Variants in CPE observed in about 807,000 individuals in gnomAD.
CPE encodes the protein carboxypeptidase E.
A neutral mutation model predicts 53.5 loss-of-function variants in CPE; 17 were observed. The observed-to-expected ratio is 0.32, with a 90% CI of 0.22 to 0.48. The LOEUF (loss-of-function observed/expected upper bound fraction) is 0.48. Ranked by LOEUF, CPE falls within the 20% of genes least tolerant of loss-of-function variation. The probability of loss-of-function intolerance (pLI) is 0.99; values close to 1 mark genes in which losing one functional copy is unlikely to be tolerated. For synonymous variants in CPE, 226 were observed against 228.8 expected, an observed-to-expected ratio of 0.99 and a Z score of 0.11; for missense variants, 524 against 614.7, an observed-to-expected ratio of 0.85 and a Z score of 1.56.
At chr4:165,471,460 G>C (rs913836722) in intron 3 of CPE, among the ~76,000 whole-genome samples, 6 of 152,126 alleles carry the variant, frequency 3.9e-5, no homozygotes, top group African/African-American at 7.2e-5. Context: ...AACAAATCAT[G>C]ATAGGACTGA....
At chr4:165,470,001 C>G (rs1347097736) in intron 3 of CPE, among the ~76,000 whole-genome samples, 1 of 152,146 alleles carries the variant, frequency 6.6e-6, no homozygotes, top group Admixed American at 6.5e-5. Flanking sequence ...ATGGGCTGAG[C>G]CTACAGGTGG....
In CPE at chr4:165,379,121, C is replaced by T; in HGVS notation, c.-101C>T. On this transcript the variant is annotated 5_prime_UTR_variant, in exon 1 of 9. Coordinates refer to ENST00000402744, the MANE Select transcript of CPE (RefSeq NM_001873.4). The surrounding 1 kb of genome is among the most constrained non-coding windows in gnomAD (Gnocchi z 6.0). ...GAGGCGAGTAGAGGCTGGTGCGGAA[C>T]TTGCCGCCCCCAGCAGCGCCGGCGG... 9.4e-7 allele frequency: 1 copy of T among 1,069,276 alleles called. No homozygotes were observed. The highest frequency in any genetic ancestry group is 1.2e-6 in the Non-Finnish European group (1 of 850,958). 66.2% of individuals were successfully genotyped at this position (1,069,276 alleles called of 1,614,324 possible). A position where few individuals can be genotyped will look rare whatever the true frequency, so the allele number is the denominator to read the frequency against.
At chr4:165,459,567 A>G (rs1331578463) in intron 1 of CPE, among the ~76,000 whole-genome samples, 1 of 150,744 alleles carries the variant, frequency 6.6e-6, no homozygotes, top group Non-Finnish European at 1.5e-5. Flanking sequence ...AAATATGATG[A>G]TTCCTCAATT....
chr4:165,427,975 C>T (rs1301674503), intron 1 of CPE, among the ~76,000 whole-genome samples: 1 of 151,990 alleles, frequency 6.6e-6, no homozygotes, highest in African/African-American at 2.4e-5. Context: ...AGTTCTATTT[C>T]AGATTATGCA....
intron 1 of CPE, among the ~76,000 whole-genome samples, chr4:165,387,791 A>G (rs1282991837): frequency 6.6e-6 from 1 of 151,984 alleles, no homozygotes; most frequent in Non-Finnish European, 1.5e-5. Flanking sequence ...CTGGGCGCAG[A>G]GTGAGACTCT....
intron 6 of CPE, 75 bp downstream of exon 6, chr4:165,487,652 G>A (rs1007362829): frequency 2.0e-6 from 3 of 1,502,748 alleles, no homozygotes; most frequent in Admixed American, 1.9e-5. Flanking sequence ...CTTGTAAGAG[G>A]AGTCCAGGAG....
At chr4:165,439,988 T>G (rs983425073) in intron 1 of CPE, among the ~76,000 whole-genome samples, 1 of 152,220 alleles carries the variant, frequency 6.6e-6, no homozygotes, top group African/African-American at 2.4e-5. Context: ...TTGTTTAGCT[T>G]TTAATACCTT....
At chr4:165,396,831 A>G (rs1721297849) in intron 1 of CPE, among the ~76,000 whole-genome samples, 1 of 150,980 alleles carries the variant, frequency 6.6e-6, no homozygotes, top group African/African-American at 2.4e-5. Context: ...GGAGTTTGAG[A>G]CCACTCAGAC....
chr4:165,480,032 T>C (rs1448981149), intron 3 of CPE, among the ~76,000 whole-genome samples: 2 of 151,208 alleles, frequency 1.3e-5, no homozygotes, highest in Non-Finnish European at 1.5e-5. Flanking sequence ...ATAGAAAAAT[T>C]AGTTAAACCA....
At chr4:165,484,371 G>A (rs768126740) in intron 4 of CPE, 51 bp from the exon 5 acceptor site, 37 of 1,532,152 alleles carry the variant, frequency 2.4e-5, no homozygotes, top group Non-Finnish European at 3.3e-5. Flanking sequence ...AAAACATGCT[G>A]TGCTGCTTGG....
At position 165,436,242 on chromosome 4, in the gene CPE, T is replaced by C. The variant is rs567805831; in HGVS notation, c.308-28148T>C. Among the ~76,000 whole-genome samples, 16 of 152,130 alleles carry C rather than the reference T, an allele frequency of 1.1e-4. No individual in the cohort carries two copies. In the South Asian group the frequency reaches 2.7e-3, roughly 26 times the overall value. ...TGTGCACAGAATCCAAGTTCTCTTT[T>C]CTATATCATTAAAAAATCCTCTTTA... On this transcript the variant is annotated intron_variant, in intron 1 of 8. Coordinates refer to ENST00000402744, the MANE Select transcript of CPE (RefSeq NM_001873.4).
chr4:165,483,832 G>C (rs1732459821), intron 4 of CPE, among the ~76,000 whole-genome samples: 1 of 152,118 alleles, frequency 6.6e-6, no homozygotes, highest in Non-Finnish European at 1.5e-5. Flanking sequence ...GATAATTTTA[G>C]ATATTGGAAA....
chr4:165,470,794 CT>C (rs1732192113), intron 3 of CPE, among the ~76,000 whole-genome samples: 1 of 152,138 alleles, frequency 6.6e-6, no homozygotes, highest in African/African-American at 2.4e-5. Flanking sequence ...TCTGTAACTG[CT>C]TCCTACTGAT....
At chr4:165,382,272 T>G (rs1730515826) in intron 1 of CPE, among the ~76,000 whole-genome samples, 1 of 146,690 alleles carries the variant, frequency 6.8e-6, no homozygotes, top group African/African-American at 2.5e-5. Flanking sequence ...ACAGGAAATG[T>G]ACAGTTTGTT....
intron 1 of CPE, among the ~76,000 whole-genome samples, chr4:165,382,004 G>A (rs868820519): frequency 6.6e-6 from 1 of 152,222 alleles, no homozygotes; most frequent in Non-Finnish European, 1.5e-5. Context: ...GAAGATAGTC[G>A]CTTGCCCTGA....
chr4:165,438,437 C>T (rs2126683547), intron 1 of CPE, among the ~76,000 whole-genome samples: 1 of 152,204 alleles, frequency 6.6e-6, no homozygotes, highest in Admixed American at 6.5e-5. Context: ...AACAATTGGT[C>T]ATCTATCCTT....
intron 1 of CPE, among the ~76,000 whole-genome samples, chr4:165,420,583 T>C (rs1731192439): frequency 6.6e-6 from 1 of 152,044 alleles, no homozygotes; most frequent in Admixed American, 6.5e-5. Flanking sequence ...TTTTTCTGAG[T>C]GTACTATATA....
chr4:165,381,831 C>A (rs1730508743), intron 1 of CPE, among the ~76,000 whole-genome samples: 1 of 152,186 alleles, frequency 6.6e-6, no homozygotes, highest in South Asian at 2.1e-4. Context: ...TCTTAAATGG[C>A]CTTTCAGTTT....
intron 1 of CPE, among the ~76,000 whole-genome samples, chr4:165,449,239 T>C (rs1731769252): frequency 6.6e-6 from 1 of 152,230 alleles, no homozygotes; most frequent in South Asian, 2.1e-4. Context: ...GTCATAATGC[T>C]AATGCCTGCA....
Sources: gnomAD v4.1 joint callset for allele counts (sites outside exome capture counted in the v4.1 genomes callset) on GRCh38, gnomAD v4.1.1 for gene constraint, Gnocchi (gnomAD v3.1) non-coding constraint, MANE v1.5 for transcripts, NCBI Gene and HGNC (gene_info 2026-07-23, HGNC 2026-07-21) for gene names.